The following PDE4B variants were observed in gnomAD, a reference collection of about 807,000 sequenced individuals.
PDE4B encodes the protein phosphodiesterase 4B.
PDE4B carries 20 observed loss-of-function variants against 82.2 expected under a neutral mutation model. The observed-to-expected ratio is 0.24, with a 90% CI of 0.17 to 0.35. The LOEUF is 0.35. PDE4B is among the 10% of genes least tolerant of loss of function. The pLI, the probability that PDE4B is intolerant of heterozygous loss-of-function variation, is 1.00. For missense variants in PDE4B, 655 were observed against 907.2 expected, an observed-to-expected ratio of 0.72 and a Z score of 3.57; for synonymous variants, 320 against 318.9, an observed-to-expected ratio of 1.00 and a Z score of -0.04.
chr1:65,877,785 G>A (rs970588258), intron 1 of PDE4B, among the ~76,000 whole-genome samples: 2 of 151,782 alleles, frequency 1.3e-5, no homozygotes, highest in Non-Finnish European at 2.9e-5. Flanking sequence ...AAAAACCCTA[G>A]AAGAAAACCT....
intron 1 of PDE4B, among the ~76,000 whole-genome samples, chr1:65,823,134 G>C (rs944949652): frequency 6.6e-6 from 1 of 151,632 alleles, no homozygotes; most frequent in Non-Finnish European, 1.5e-5. Context: ...ACAGTGGCTC[G>C]TGCCTATAGT....
chr1:66,059,009 T>C lies in PDE4B; in HGVS notation c.281+140174T>C, dbSNP rs558815720. On this transcript the variant is annotated intron_variant, in intron 3 of 16. Coordinates refer to ENST00000341517, the MANE Select transcript of PDE4B (RefSeq NM_002600.4). ...TTATGCTCTGCATCCTTTATAAAAC[T>C]GAATGCCTTTAATGGCACACAAGTC... Among the ~76,000 whole-genome samples, 13 of 152,364 alleles carry C rather than the reference T, an allele frequency of 8.5e-5. 1 individual carries two copies. The East Asian group carries it at 2.5e-3, about 29-fold the overall frequency.
Position 66,184,801 on chromosome 1 carries a change from CT to C in PDE4B, c.282-62648del, listed in dbSNP as rs201823933. The stretch of plus-strand genomic sequence containing the variant: ...AAAATAGTAATACCTCAGAGTTTTT[CT>C]TTTTTTTTTTAACTCTTTAACTTTA... On this transcript the variant is annotated intron_variant, in intron 3 of 16. Transcript: ENST00000341517. 0.014 allele frequency among the ~76,000 whole-genome samples: 2,054 copies of C among 145,430 alleles called. 90 individuals carry two copies. In the East Asian group the frequency reaches 0.15, roughly 11 times the overall value.
intron 3 of PDE4B, among the ~76,000 whole-genome samples, chr1:66,159,617 T>A (rs550769962): frequency 6.6e-6 from 1 of 152,308 alleles, no homozygotes; most frequent in South Asian, 2.1e-4. Flanking sequence ...TGTAAAGTGC[T>A]ATAGATAATA....
rs551504185 is a variant in PDE4B at position 66,257,271 on chromosome 1, CTG to C, written c.477-368_477-367del. 19 of 295,140 alleles carry C rather than the reference CTG, an allele frequency of 6.4e-5. No individual in the cohort carries two copies. In the East Asian group the frequency reaches 1.4e-3, roughly 22 times the overall value. The allele number at this position is 295,140 out of a possible 1,614,324, so 18.3% of individuals were successfully genotyped here. On this transcript the variant is annotated intron_variant, in intron 4 of 16. Coordinates refer to ENST00000341517, the MANE Select transcript of PDE4B (RefSeq NM_002600.4). ...CAGACTGTTATACCAGTTTTTCCAA[CTG>C]TGTGTGTCCCTGTGAGCAGCCCTCC...
At chr1:66,238,879 A>C (rs893583849) in intron 3 of PDE4B, among the ~76,000 whole-genome samples, 2 of 152,218 alleles carry the variant, frequency 1.3e-5, no homozygotes, top group East Asian at 3.8e-4. Flanking sequence ...TGGCCCCATC[A>C]CTGGAATATA....
intron 1 of PDE4B, among the ~76,000 whole-genome samples, chr1:65,901,718 C>A (rs1446666865): frequency 6.6e-6 from 1 of 151,934 alleles, no homozygotes; most frequent in Non-Finnish European, 1.5e-5. Context: ...AGCTAGTGTT[C>A]TATTCATCTT....
intron 3 of PDE4B, among the ~76,000 whole-genome samples, chr1:66,127,617 A>ATGT (rs1645849867): frequency 6.6e-6 from 1 of 152,166 alleles, no homozygotes; most frequent in African/African-American, 2.4e-5. Flanking sequence ...CATTACCCTA[A>ATGT]AAATAGTATA....
At chr1:66,060,640 G>A (rs144626602) in intron 3 of PDE4B, among the ~76,000 whole-genome samples, 1 of 152,296 alleles carries the variant, frequency 6.6e-6, no homozygotes, top group African/African-American at 2.4e-5. Flanking sequence ...TATTGTTGAA[G>A]TTAGTATTGC....
At position 66,024,026 on chromosome 1, in the gene PDE4B, G is replaced by T. The variant is rs549939512; in HGVS notation, c.281+105191G>T. Among the ~76,000 whole-genome samples the T allele has an allele frequency of 3.9e-5, 6 of 152,008 alleles. No individual in the cohort carries two copies. In the East Asian group the frequency reaches 9.7e-4, roughly 24 times the overall value. ...ATTAATAATGTGAATTGTTTCAGGC[G>T]GTTTATTTTTTACCTTTTGTGCTGC... On this transcript the variant is annotated intron_variant, in intron 3 of 16. Coordinates refer to ENST00000341517, the MANE Select transcript of PDE4B (RefSeq NM_002600.4).
At chr1:66,123,170 T>C (rs1645748202) in intron 3 of PDE4B, among the ~76,000 whole-genome samples, 1 of 152,156 alleles carries the variant, frequency 6.6e-6, no homozygotes, top group East Asian at 1.9e-4. Flanking sequence ...GCCCATGAAA[T>C]TTTGATTCCT....
intron 3 of PDE4B, among the ~76,000 whole-genome samples, chr1:65,975,920 C>T (rs1231221033): frequency 1.3e-5 from 2 of 152,312 alleles, no homozygotes; most frequent in Admixed American, 6.5e-5. Context: ...TGGAGCCCTC[C>T]TGGAGAACCT....
intron 1 of PDE4B, among the ~76,000 whole-genome samples, chr1:65,808,535 A>G (rs556149158): frequency 6.6e-6 from 1 of 152,352 alleles, no homozygotes; most frequent in Non-Finnish European, 1.5e-5. Context: ...AGTCTAGACA[A>G]TTTTCCACAT....
chr1:65,938,859 G>A (rs1648291728), intron 3 of PDE4B, among the ~76,000 whole-genome samples: 1 of 152,148 alleles, frequency 6.6e-6, no homozygotes, highest in Admixed American at 6.5e-5. Flanking sequence ...ATTTTATCCT[G>A]AGGGCATTGG....
chr1:65,910,149 A>T (rs187976969), intron 1 of PDE4B, among the ~76,000 whole-genome samples: 271 of 152,326 alleles, frequency 1.8e-3, no homozygotes, highest in African/African-American at 6.3e-3. Flanking sequence ...TGCTTTTATG[A>T]CATAATTGAA....
chr1:65,963,834 C>T (rs1450743317), intron 3 of PDE4B, among the ~76,000 whole-genome samples: 1 of 152,148 alleles, frequency 6.6e-6, no homozygotes, highest in Non-Finnish European at 1.5e-5. Flanking sequence ...AAACTGGTTA[C>T]CCAAACTAAT....
intron 7 of PDE4B, among the ~76,000 whole-genome samples, chr1:66,299,016 TG>T (rs1405767881): frequency 3.9e-5 from 6 of 152,170 alleles, no homozygotes; most frequent in African/African-American, 1.4e-4. Flanking sequence ...CACTGCATAA[TG>T]ATCAAATCAG....
At chr1:65,833,131 A>G (rs1646101478) in intron 1 of PDE4B, among the ~76,000 whole-genome samples, 1 of 152,226 alleles carries the variant, frequency 6.6e-6, no homozygotes, top group Non-Finnish European at 1.5e-5. Flanking sequence ...AATCTAGCCC[A>G]TCTTCATTGA....
chr1:66,336,382 A>T (rs776661303), intron 8 of PDE4B, among the ~76,000 whole-genome samples: 3 of 152,172 alleles, frequency 2.0e-5, no homozygotes, highest in Non-Finnish European at 2.9e-5. Context: ...CTAGTCTTTC[A>T]CCTAGAATTT....
Sources: allele counts gnomAD v4.1 joint callset (sites outside exome capture counted in the v4.1 genomes callset), GRCh38; gene constraint gnomAD v4.1.1; transcripts MANE v1.5; gene names NCBI Gene and HGNC (gene_info 2026-07-23, HGNC 2026-07-21).